The following SDK1 variants were observed in gnomAD, a reference collection of about 807,000 sequenced individuals.
The protein encoded by SDK1 is protein sidekick-1.
Under a neutral mutation model 245.5 loss-of-function variants are expected in SDK1, and 157 were observed. That is an observed-to-expected ratio of 0.64 (90% CI 0.56 to 0.73). The LOEUF is 0.73. Among genes scored for constraint, SDK1 ranks in the 30% least tolerant of loss-of-function variants. The pLI is 0.00. For missense variants in SDK1, 3,583 were observed against 3,002.3 expected (o/e 1.19, Z -4.52); for synonymous variants, 1,647 against 1,278.5 (o/e 1.29, Z -6.15).
At chr7:3,649,593 A>T (rs183051050) in intron 4 of SDK1, among the ~76,000 whole-genome samples, 1 of 152,108 alleles carries the variant, frequency 6.6e-6, no homozygotes, top group Non-Finnish European at 1.5e-5. Flanking sequence ...AATAATAATA[A>T]TTAATGATTT....
At chr7:3,728,058 G>A (rs927422114) in intron 4 of SDK1, among the ~76,000 whole-genome samples, 1 of 152,216 alleles carries the variant, frequency 6.6e-6, no homozygotes, top group Non-Finnish European at 1.5e-5. Context: ...GGATGTTTCT[G>A]ATGTTTTTCT....
chr7:3,735,261 T>C lies in SDK1; in HGVS notation c.714-86189T>C, dbSNP rs115349157. 5.4e-3 allele frequency among the ~76,000 whole-genome samples: 820 copies of C among 152,316 alleles called. 6 individuals carry two copies. Among genetic ancestry groups the C allele is most frequent in the African/African-American group, 0.019 (771 of 41,578 alleles). ...TATGTTCCCATTGTTGTGCAACCCA[T>C]CTTTAGAACTTTTTTACCTTGCGAA... On this transcript the variant is annotated intron_variant, in intron 4 of 44. Transcript: ENST00000404826.
At chr7:3,718,688 C>A (rs1583338033) in intron 4 of SDK1, among the ~76,000 whole-genome samples, 1 of 151,954 alleles carries the variant, frequency 6.6e-6, no homozygotes, top group Non-Finnish European at 1.5e-5. Context: ...ACAACTAATA[C>A]ACTTAGTGGT....
intron 5 of SDK1, among the ~76,000 whole-genome samples, chr7:3,852,159 C>T (rs1173585355): frequency 1.3e-5 from 2 of 149,170 alleles, no homozygotes; most frequent in Non-Finnish European, 3.0e-5. Flanking sequence ...GAGCTTTGGA[C>T]GAGAGTGTGG....
At chr7:3,711,200 A>G (rs1785040224) in intron 4 of SDK1, among the ~76,000 whole-genome samples, 1 of 152,214 alleles carries the variant, frequency 6.6e-6, no homozygotes. Flanking sequence ...AAGTATTTCT[A>G]AATATTTTTG....
Position 3,587,758 on chromosome 7 carries a change from A to G in SDK1, c.299-31322A>G, listed in dbSNP as rs1267256498. ...CACCCCGTGGCCCACTCAAGTTGAC[A>G]AAAGTACACTGCCCCTTGGCCTTTC... On this transcript the variant is annotated intron_variant, in intron 1 of 44. Transcript: ENST00000404826. Among the ~76,000 whole-genome samples the G allele has an allele frequency of 2.6e-5, 4 of 152,250 alleles. No individual in the cohort carries two copies. In the East Asian group the frequency reaches 7.7e-4, roughly 29 times the overall value.
chr7:3,340,868 T>C (rs1780329905), intron 1 of SDK1, among the ~76,000 whole-genome samples: 1 of 152,018 alleles, frequency 6.6e-6, no homozygotes, highest in South Asian at 2.1e-4. Flanking sequence ...TTAATTGAAA[T>C]GCTCCCTTAA....
intron 35 of SDK1, among the ~76,000 whole-genome samples, chr7:4,185,825 G>A (rs934197816): frequency 1.4e-5 from 2 of 140,404 alleles, no homozygotes; most frequent in Non-Finnish European, 3.1e-5. Flanking sequence ...GTGGGAGGGA[G>A]AGAAACACAT....
chr7:3,340,014 C>T (rs982111497), intron 1 of SDK1, among the ~76,000 whole-genome samples: 2 of 152,026 alleles, frequency 1.3e-5, no homozygotes, highest in Non-Finnish European at 2.9e-5. Flanking sequence ...GAGGATATCA[C>T]TACAGAGGCT....
At chr7:4,077,568 A>G (rs372937629) in intron 21 of SDK1, among the ~76,000 whole-genome samples, 61 of 152,332 alleles carry the variant, frequency 4.0e-4, no homozygotes, top group African/African-American at 1.3e-3. Context: ...AGACTGGGCC[A>G]TTTACAAAAG....
chr7:3,510,569 T>C (rs561552489), intron 1 of SDK1, among the ~76,000 whole-genome samples: 25 of 152,222 alleles, frequency 1.6e-4, no homozygotes, highest in African/African-American at 4.8e-4. Flanking sequence ...CTGTGCACTT[T>C]TGAGGTTACA....
At chr7:4,098,076 C>G (rs1190256819) in intron 22 of SDK1, among the ~76,000 whole-genome samples, 1 of 152,078 alleles carries the variant, frequency 6.6e-6, no homozygotes, top group African/African-American at 2.4e-5. Context: ...ATAATAACAC[C>G]CTCACAGTGG....
intron 1 of SDK1, among the ~76,000 whole-genome samples, chr7:3,417,552 C>T (rs1027038341): frequency 2.6e-5 from 4 of 152,192 alleles, no homozygotes; most frequent in African/African-American, 7.2e-5. Context: ...AGGTTGATTG[C>T]TTCAGTGTAC....
At chr7:3,987,924 C>G (rs1216354328) in intron 14 of SDK1, among the ~76,000 whole-genome samples, 1 of 152,046 alleles carries the variant, frequency 6.6e-6, no homozygotes, top group Non-Finnish European at 1.5e-5. Flanking sequence ...CCCACTCACG[C>G]CTCTCCGCTC....
intron 4 of SDK1, among the ~76,000 whole-genome samples, chr7:3,670,674 C>G (rs1214875313): frequency 6.6e-6 from 1 of 152,180 alleles, no homozygotes; most frequent in East Asian, 1.9e-4. Context: ...TGGGAATTCT[C>G]GTTGCTCTCC....
intron 12 of SDK1, among the ~76,000 whole-genome samples, chr7:3,971,871 A>G (rs1240781436): frequency 1.3e-5 from 2 of 152,114 alleles, no homozygotes; most frequent in East Asian, 1.9e-4. Flanking sequence ...CTGATACTCA[A>G]TGAGAGAAAA....
At chr7:4,153,655 A>G (rs1780535900) in intron 30 of SDK1, among the ~76,000 whole-genome samples, 1 of 152,130 alleles carries the variant, frequency 6.6e-6, no homozygotes, top group Non-Finnish European at 1.5e-5. Flanking sequence ...TTTGTGATAC[A>G]ATAGTGAGGT....
intron 29 of SDK1, among the ~76,000 whole-genome samples, chr7:4,146,205 T>TG (rs1779965091): frequency 6.7e-6 from 1 of 150,024 alleles, no homozygotes; most frequent in African/African-American, 2.5e-5. Flanking sequence ...GAGCATTGCA[T>TG]TCACACCTTC....
intron 14 of SDK1, among the ~76,000 whole-genome samples, chr7:3,999,197 G>A (rs1008480437): frequency 2.6e-5 from 4 of 152,096 alleles, no homozygotes; most frequent in Admixed American, 2.0e-4. Flanking sequence ...TGTGAAATGA[G>A]CCATCGACCT....
Sources: gnomAD v4.1 joint callset for allele counts (sites outside exome capture counted in the v4.1 genomes callset) on GRCh38, gnomAD v4.1.1 for gene constraint, MANE v1.5 for transcripts, NCBI Gene and HGNC (gene_info 2026-07-23, HGNC 2026-07-21) for gene names.